KLRG1: variants seen among roughly 807,000 people sequenced by gnomAD.
KLRG1 encodes the protein killer cell lectin-like receptor subfamily G member 1.
A neutral mutation model predicts 21.8 loss-of-function variants in KLRG1; 16 were observed. The observed-to-expected ratio is 0.73, with a 90% CI of 0.50 to 1.11. The LOEUF is 1.11. Ranked by LOEUF, KLRG1 falls within the 50% of genes most tolerant of loss-of-function variation. KLRG1 has a pLI of 0.00. For missense variants in KLRG1, 173 were observed against 218.3 expected (o/e 0.79, Z 1.31); for synonymous variants, 69 against 75.9 (o/e 0.91, Z 0.47).
At chr12:9,115,975 C>G in the KLRG1 span, 1 of 778,648 alleles carries the variant, frequency 1.3e-6, no homozygotes, top group African/African-American at 1.7e-5. Flanking sequence ...ACAGGAAGTT[C>G]CACCCACACA....
intron 1 of KLRG1, among the ~76,000 whole-genome samples, chr12:8,983,840 TTA>T (rs1231459698): frequency 1.3e-5 from 2 of 152,234 alleles, no homozygotes; most frequent in Admixed American, 1.3e-4. Flanking sequence ...TATTTTCTTT[TTA>T]TCTTTGGTTT....
At chr12:9,192,258 T>C in the KLRG1 span, 1 of 1,613,788 alleles carries the variant, frequency 6.2e-7, no homozygotes, top group Non-Finnish European at 8.5e-7. Context: ...AGCCATGATC[T>C]GAAATGAAAA....
At chr12:9,107,103 C>A in the KLRG1 span, among the ~76,000 whole-genome samples, 1 of 152,172 alleles carries the variant, frequency 6.6e-6, no homozygotes, top group East Asian at 1.9e-4. Context: ...GGTTCCTCCT[C>A]CATAATATTC....
the KLRG1 span, chr12:9,112,457 C>T: frequency 3.7e-6 from 6 of 1,613,650 alleles, no homozygotes; most frequent in African/African-American, 1.3e-5. Context: ...CACTGTGGTC[C>T]GCTTCTTAAA....
the KLRG1 span, chr12:9,135,332 A>C: frequency 3.3e-6 from 1 of 302,914 alleles, no homozygotes; most frequent in African/African-American, 2.3e-5. Context: ...TGGACCGAGC[A>C]GTCAGGAGCT....
the KLRG1 span, among the ~76,000 whole-genome samples, chr12:9,179,258 T>C: frequency 3.3e-5 from 5 of 152,192 alleles, no homozygotes; most frequent in Non-Finnish European, 5.9e-5. Flanking sequence ...CAAATGGCAA[T>C]TATTAACCAA....
the KLRG1 span, chr12:9,104,464 T>G: frequency 6.7e-7 from 1 of 1,497,872 alleles, no homozygotes; most frequent in Admixed American, 2.2e-5. Context: ...AACATATTCA[T>G]TTATCACATT....
At chr12:9,169,332 C>A in the KLRG1 span, 2 of 1,188,700 alleles carry the variant, frequency 1.7e-6, no homozygotes, top group South Asian at 1.7e-5. Flanking sequence ...AATGGAGAGG[C>A]AAGGCTACAT....
chr12:9,182,345 C>T, the KLRG1 span, among the ~76,000 whole-genome samples: 1 of 152,278 alleles, frequency 6.6e-6, no homozygotes, highest in African/African-American at 2.4e-5. Context: ...TCCTTTCACT[C>T]ACATCTTTTT....
At chr12:9,098,628 A>G in the KLRG1 span, 1 of 1,606,864 alleles carries the variant, frequency 6.2e-7, no homozygotes, top group Non-Finnish European at 8.5e-7. Context: ...AGAGCTCAGC[A>G]TCAGGCTTCA....
the KLRG1 span, chr12:9,093,351 A>G: frequency 2.9e-6 from 2 of 700,450 alleles, no homozygotes; most frequent in Non-Finnish European, 5.0e-6. Flanking sequence ...ATATCAAAAC[A>G]TCATGTTGTA....
chr12:9,069,042 C>T, the KLRG1 span: 4 of 473,526 alleles, frequency 8.4e-6, no homozygotes, highest in Non-Finnish European at 1.5e-5. Flanking sequence ...TAACATAACG[C>T]ATATACCTCT....
At chr12:9,106,393 C>G in the KLRG1 span, 1 of 1,482,762 alleles carries the variant, frequency 6.7e-7, no homozygotes, top group Non-Finnish European at 9.4e-7. Flanking sequence ...AATGATGTCT[C>G]TAAAATTCTA....
chr12:8,963,285 G>A (rs1946410476), intron 1 of KLRG1, among the ~76,000 whole-genome samples: 1 of 152,098 alleles, frequency 6.6e-6, no homozygotes, highest in Non-Finnish European at 1.5e-5. Flanking sequence ...AATTTTTTCT[G>A]CATGAAGGAA....
At chr12:9,011,802 C>T (rs1052220113), downstream of KLRG1, among the ~76,000 whole-genome samples, 12 of 152,126 alleles carry the variant, frequency 7.9e-5, no homozygotes, top group African/African-American at 2.7e-4. Context: ...GAGAGAGAGT[C>T]TGTGCTTTGG....
the KLRG1 span, among the ~76,000 whole-genome samples, chr12:9,197,609 AT>A: frequency 9.7e-6 from 1 of 102,612 alleles, no homozygotes; most frequent in African/African-American, 4.0e-5. Flanking sequence ...TATAATATAT[AT>A]TATATATTTA....
chr12:9,196,906 G>C, the KLRG1 span: 8 of 921,944 alleles, frequency 8.7e-6, no homozygotes, highest in Non-Finnish European at 1.3e-5. Context: ...TTTGGTGGGG[G>C]ATATTTTGCG....
chr12:9,082,591 AAGAAGTG>A, the KLRG1 span, among the ~76,000 whole-genome samples: 2 of 152,216 alleles, frequency 1.3e-5, no homozygotes, highest in African/African-American at 4.8e-5. Flanking sequence ...TAAAAACCAG[AAGAAGTG>A]GCTTTCTCCT....
chr12:9,107,501 A>T, the KLRG1 span: 2 of 1,613,030 alleles, frequency 1.2e-6, no homozygotes, highest in South Asian at 2.2e-5. Context: ...GCTATTCTCT[A>T]GAAAAAATAG....
Sources: allele counts gnomAD v4.1 joint callset (sites outside exome capture counted in the v4.1 genomes callset), GRCh38; gene constraint gnomAD v4.1.1; transcripts MANE v1.5; gene names NCBI Gene and HGNC (gene_info 2026-07-23, HGNC 2026-07-21).